Variants in DUSP4 observed in about 807,000 individuals in gnomAD.
DUSP4 encodes the protein dual specificity phosphatase 4.
In DUSP4, 12 loss-of-function variants were observed where a neutral mutation model predicts 27.2. The observed-to-expected ratio is 0.44, with a 90% CI of 0.28 to 0.71. The LOEUF is 0.71. Among genes scored for constraint, DUSP4 ranks in the 30% least tolerant of loss-of-function variants. The probability of loss-of-function intolerance (pLI) is 0.14; values close to 1 mark genes in which losing one functional copy is unlikely to be tolerated. For synonymous variants in DUSP4, 257 were observed against 245.2 expected (o/e 1.05, Z -0.45); for missense variants, 448 against 551.3 (o/e 0.81, Z 1.88).
intron 1 of DUSP4, among the ~76,000 whole-genome samples, chr8:29,341,327 C>T (rs1428244601): frequency 1.3e-5 from 2 of 152,218 alleles, no homozygotes; most frequent in Non-Finnish European, 2.9e-5. Context: ...CATAGGACCT[C>T]TGTGCCCTAG....
chr8:29,338,157 A>C (rs989692254), intron 3 of DUSP4, 125 bp downstream of exon 3: 3 of 950,608 alleles, frequency 3.2e-6, no homozygotes, highest in Non-Finnish European at 4.9e-6. Context: ...CCAATGAGGA[A>C]GAGGGGGAAT....
intron 1 of DUSP4, chr8:29,348,794 G>A (rs1054110758): frequency 2.0e-6 from 2 of 984,774 alleles, no homozygotes; most frequent in South Asian, 9.4e-5. Flanking sequence ...GGTGTGGGGG[G>A]GTCTGAACTG....
At chr8:29,347,610 C>T (rs1161538011) in intron 1 of DUSP4, among the ~76,000 whole-genome samples, 1 of 152,232 alleles carries the variant, frequency 6.6e-6, no homozygotes, top group East Asian at 1.9e-4. Context: ...AAATCTGTGG[C>T]CCAGGCCTGC....
At position 29,337,920 on chromosome 8, in the gene DUSP4, CAGCCTGGGCAACAG is replaced by C. The variant is rs746359327; in HGVS notation, c.799+348_799+361del. 3.1e-4 allele frequency among the ~76,000 whole-genome samples: 47 copies of C among 152,138 alleles called. No homozygotes were observed. Among genetic ancestry groups the C allele is most frequent in the Non-Finnish European group, 6.0e-4 (41 of 68,020 alleles). On this transcript the variant is annotated intron_variant, in intron 3 of 3. Transcript: ENST00000240100. This position sits in a 1 kb window ranked among gnomAD's most constrained non-coding sequence, Gnocchi z 6.4. ...GAGCTGAGATGGCGCCACTGCACTCCAGCCTGGGCAACAGAGCAAGGCTCTGTCTCAAAATAAAT... is the reference window on the plus strand; with the variant it reads ...GAGCTGAGATGGCGCCACTGCACTCCAGCAAGGCTCTGTCTCAAAATAAAT...
Position 29,337,658 on chromosome 8 carries a change from A to G in DUSP4, c.800-247T>C, listed in dbSNP as rs1817599061. 6.6e-6 allele frequency among the ~76,000 whole-genome samples: 1 copy of G among 152,210 alleles called. No homozygotes were observed. The highest frequency in any genetic ancestry group is 2.1e-4 in the South Asian group (1 of 4,832). On this transcript the variant is annotated intron_variant, in intron 3 of 3. Transcript: ENST00000240100. The surrounding 1 kb of genome is among the most constrained non-coding windows in gnomAD (Gnocchi z 6.4). The stretch of plus-strand genomic sequence containing the variant: ...TATCTGTTCAAGGATTTCCCTTTGC[A>G]GAAACAAAACAGTGGGGTCCAGGGT...
At chr8:29,348,295 C>G in intron 1 of DUSP4, 1 of 985,568 alleles carries the variant, frequency 1.0e-6, no homozygotes, top group South Asian at 4.7e-5. Context: ...CTCCCACCAG[C>G]GCCGACAAGC....
At chr8:29,349,724 C>A in intron 1 of DUSP4, 122 bp downstream of exon 1, 1 of 1,328,542 alleles carries the variant, frequency 7.5e-7, no homozygotes, top group East Asian at 2.6e-5. Flanking sequence ...CACAAAGGGG[C>A]GCGCGGGGAT....
intron 1 of DUSP4, chr8:29,348,652 G>C (rs1457124180): frequency 3.0e-6 from 3 of 985,322 alleles, no homozygotes; most frequent in Non-Finnish European, 3.6e-6. Flanking sequence ...TGTGCTTTTT[G>C]GAGGGGAGAG....
intron 1 of DUSP4, among the ~76,000 whole-genome samples, chr8:29,346,758 A>C (rs933211705): frequency 5.9e-5 from 9 of 152,238 alleles, no homozygotes; most frequent in African/African-American, 1.9e-4. Context: ...TATTAAGCGA[A>C]GTTTACCTCC....
At chr8:29,348,615 C>T (rs1160678001) in intron 1 of DUSP4, 4 of 985,378 alleles carry the variant, frequency 4.1e-6, no homozygotes, top group Non-Finnish European at 4.8e-6. Flanking sequence ...GGGGCGAACC[C>T]GGCTCCTCCG....
Position 29,337,173 on chromosome 8 carries a change from G to C in DUSP4, c.1038C>G (p.Pro346=). Residue 346 remains proline (P), a synonymous_variant, in exon 4 of 4, where the codon CCC becomes CCG. Transcript: ENST00000240100. The surrounding 1 kb of genome is among the most constrained non-coding windows in gnomAD (Gnocchi z 6.4). ...TGCCCCGCTCCCGCAGGGGTCCCGA[G>C]GGGCTAGCAGCCTCCGCAGCACAGG... ...ATSCAAEAAS[P]SGPLRERGKT... is the part of the protein sequence containing the mutation. The C allele has an allele frequency of 6.2e-7, 1 of 1,612,324 alleles. No individual in the cohort carries two copies. The highest frequency in any genetic ancestry group is 8.5e-7 in the Non-Finnish European group (1 of 1,179,364).
chr8:29,345,166 G>T (rs1817709801), intron 1 of DUSP4, among the ~76,000 whole-genome samples: 1 of 152,068 alleles, frequency 6.6e-6, no homozygotes, highest in African/African-American at 2.4e-5. Flanking sequence ...TCCCCATTAT[G>T]CCCCCAACAC....
intron 1 of DUSP4, chr8:29,347,706 C>A: frequency 2.0e-6 from 2 of 975,614 alleles, no homozygotes; most frequent in Non-Finnish European, 2.4e-6. Flanking sequence ...AGAGGCAGTG[C>A]AGGCTCCAGG....
rs1817796093 is a variant in DUSP4, at chr8:29,349,876, C to T, written c.403G>A (p.Ala135Thr). 1.3e-6 allele frequency: 2 copies of T among 1,515,586 alleles called. No individual in the cohort carries two copies. The highest frequency in any genetic ancestry group is 1.8e-6 in the Non-Finnish European group (2 of 1,138,052). The allele number at this position is 1,515,586 out of a possible 1,614,324, so 93.9% of individuals were successfully genotyped here. A position where few individuals can be genotyped will look rare whatever the true frequency, so the allele number is the denominator to read the frequency against. ...SLVVQALRRN[A>T]ERTDICLLKG... ...AGCAGGCAGATGTCGGTGCGCTCGG[C>T]GTTGCGGCGCAGCGCCTGCACCACC... Residue 135 changes from alanine to threonine, a missense_variant, in exon 1 of 4, where the codon GCC (alanine) becomes ACC (threonine). Ala to Thr is a moderately conservative substitution (Grantham distance 58). This residue lies in a region of DUSP4 where 345 missense variants were observed against 394.0 expected (regional missense o/e 0.88). Transcript: ENST00000240100.
intron 1 of DUSP4, chr8:29,348,674 C>G (rs762983928): frequency 9.5e-5 from 94 of 985,320 alleles, no homozygotes; most frequent in Non-Finnish European, 1.0e-4. Context: ...TTTCCGCCCC[C>G]TTTCCAGCTC....
chr8:29,339,837 C>G (rs943398689), intron 2 of DUSP4, among the ~76,000 whole-genome samples: 8 of 140,360 alleles, frequency 5.7e-5, no homozygotes, highest in African/African-American at 1.6e-4. Context: ...GACCCCCCCC[C>G]CCCATCTCTA....
intron 1 of DUSP4, among the ~76,000 whole-genome samples, chr8:29,341,186 T>C (rs1276721548): frequency 6.6e-6 from 1 of 152,216 alleles, no homozygotes; most frequent in Non-Finnish European, 1.5e-5. Flanking sequence ...GGGCCAGAAA[T>C]GGATTCAATT....
intron 1 of DUSP4, chr8:29,348,024 C>T: frequency 4.1e-6 from 4 of 985,576 alleles, no homozygotes; most frequent in Non-Finnish European, 4.8e-6. Flanking sequence ...GGTCCTGGAG[C>T]TGCCGCTCTA....
intron 1 of DUSP4, chr8:29,345,222 G>A (rs1322978381): frequency 2.0e-6 from 2 of 977,402 alleles, no homozygotes; most frequent in East Asian, 5.4e-5. Context: ...CCTTGCTCTT[G>A]CCAGAAAAGT....
Sources: allele counts gnomAD v4.1 joint callset (sites outside exome capture counted in the v4.1 genomes callset), GRCh38; gene constraint gnomAD v4.1.1; regional missense constraint gnomAD v4.1.1; non-coding constraint Gnocchi (gnomAD v3.1); transcripts MANE v1.5; gene names NCBI Gene and HGNC (gene_info 2026-07-23, HGNC 2026-07-21).